PTPN14: variants seen among roughly 807,000 people sequenced by gnomAD.
PTPN14 encodes the protein protein tyrosine phosphatase non-receptor type 14.
Under a neutral mutation model 126.8 loss-of-function variants are expected in PTPN14, and 53 were observed. The observed-to-expected ratio is 0.42, with a 90% CI of 0.34 to 0.53. The LOEUF (loss-of-function observed/expected upper bound fraction) is 0.53, where lower values mean the gene tolerates loss of function less well. Ranked by LOEUF, PTPN14 falls within the 20% of genes least tolerant of loss-of-function variation. The pLI is 0.08. For synonymous variants in PTPN14, 630 were observed against 599.3 expected (o/e 1.05, Z -0.75); for missense variants, 1,257 against 1,552.9 (o/e 0.81, Z 3.20).
chr1:214,458,624 T>A (rs1035663406), intron 2 of PTPN14, among the ~76,000 whole-genome samples: 6 of 107,570 alleles, frequency 5.6e-5, no homozygotes, highest in African/African-American at 1.8e-4. Context: ...TACTTCTATT[T>A]AAGGTTACAT....
chr1:214,492,546 T>C (rs1372697001), intron 1 of PTPN14, among the ~76,000 whole-genome samples: 1 of 152,254 alleles, frequency 6.6e-6, no homozygotes, highest in Non-Finnish European at 1.5e-5. Flanking sequence ...CATTTGATGA[T>C]GACAGAGTGT....
chr1:214,417,636 A>G (rs1203158388), intron 3 of PTPN14, among the ~76,000 whole-genome samples: 2 of 152,176 alleles, frequency 1.3e-5, no homozygotes, highest in Non-Finnish European at 2.9e-5. Context: ...TTTTAAATTC[A>G]TGTATGAGGA....
At position 214,384,832 on chromosome 1, in the gene PTPN14, T is replaced by C; in HGVS notation, c.1067-44A>G. On this transcript the variant is annotated intron_variant, in intron 12 of 18. Transcript: ENST00000366956. This position sits in a 1 kb window ranked among gnomAD's most constrained non-coding sequence, Gnocchi z 5.3. ...AGGCACGTGAACCTCCAAGCCATCC[T>C]GCCACAACAAAGTACATCCTCATAC... The C allele has an allele frequency of 6.4e-7, 1 of 1,574,484 alleles. No homozygotes were observed. The highest frequency in any genetic ancestry group is 8.6e-7 in the Non-Finnish European group (1 of 1,160,794).
intron 15 of PTPN14, 143 bp downstream of exon 15, chr1:214,376,076 A>G: frequency 6.9e-6 from 5 of 719,852 alleles, no homozygotes. Flanking sequence ...GACTAAGAAA[A>G]GCACAGGAGT....
chr1:214,373,109 C>T (rs887279869), intron 15 of PTPN14, among the ~76,000 whole-genome samples: 47 of 152,276 alleles, frequency 3.1e-4, no homozygotes, highest in African/African-American at 1.1e-3. Context: ...GGCGGGAGTA[C>T]AGTGGCACGA....
intron 10 of PTPN14, among the ~76,000 whole-genome samples, chr1:214,391,510 AC>A (rs1286251460): frequency 6.6e-6 from 1 of 152,186 alleles, no homozygotes; most frequent in Non-Finnish European, 1.5e-5. Flanking sequence ...ATATAAAGAT[AC>A]TTTTTATTAA....
intron 11 of PTPN14, among the ~76,000 whole-genome samples, chr1:214,388,882 T>C (rs570927314): frequency 6.6e-6 from 1 of 152,158 alleles, no homozygotes; most frequent in South Asian, 2.1e-4. Context: ...TCACCTATCA[T>C]TTTCTTTGCC....
At chr1:214,509,757 G>A (rs1654925820) in intron 1 of PTPN14, among the ~76,000 whole-genome samples, 1 of 152,168 alleles carries the variant, frequency 6.6e-6, no homozygotes, top group Non-Finnish European at 1.5e-5. Context: ...ATCAATGATA[G>A]ACTGGATTAA....
chr1:214,391,112 G>A (rs1658742569), intron 10 of PTPN14, 67 bp from the exon 11 acceptor site: 1 of 1,199,754 alleles, frequency 8.3e-7, no homozygotes, highest in Non-Finnish European at 1.2e-6. Context: ...GATAGACAAG[G>A]GAAGGAGAGG....
Position 214,401,103 on chromosome 1 carries a change from T to G in PTPN14, c.669+582A>C, listed in dbSNP as rs1027209122. Among the ~76,000 whole-genome samples the G allele has an allele frequency of 2.2e-4, 33 of 152,224 alleles. 1 individual carries two copies. Among genetic ancestry groups the G allele is most frequent in the Middle Eastern group, 6.8e-3 (2 of 294 alleles). On this transcript the variant is annotated intron_variant, in intron 7 of 18. Transcript: ENST00000366956. ...CAGCTCTATAAATGACTATGATCCA[T>G]GACCCCCCCAACCACACCCACTTCA...
chr1:214,461,932 T>C (rs12068677), intron 2 of PTPN14, among the ~76,000 whole-genome samples: 126,161 of 152,214 alleles, frequency 0.83, 52,397 homozygotes, highest in African/African-American at 0.89. Flanking sequence ...GGAGCAGACC[T>C]TGAGTTCACC....
rs755160042 is a variant in PTPN14, at chr1:214,384,225, T to C, written c.1630A>G (p.Asn544Asp). The stretch of plus-strand genomic sequence containing the variant: ...TTATGGCTGCCCTGCAGCTGCATGT[T>C]GGCCAGCTCTGGGGTGCTCACCGTG... ...SHTVSTPELANMQLQGSHNYS... is the reference protein window; with the variant it reads ...SHTVSTPELADMQLQGSHNYS... Residue 544 changes from asparagine to aspartate, a missense_variant, in exon 13 of 19, where the codon AAC (asparagine) becomes GAC (aspartate). Physicochemically the swap from Asn to Asp is conservative, Grantham distance 23. This residue lies in a region of PTPN14 where 1,021 missense variants were observed against 1,183.3 expected (regional missense o/e 0.86). Transcript: ENST00000366956. The surrounding 1 kb of genome is among the most constrained non-coding windows in gnomAD (Gnocchi z 5.3). 9 of 1,613,556 alleles carry C rather than the reference T, an allele frequency of 5.6e-6. No homozygotes were observed. The highest frequency in any genetic ancestry group is 5.1e-6 in the Non-Finnish European group (6 of 1,179,924).
intron 1 of PTPN14, among the ~76,000 whole-genome samples, chr1:214,541,489 G>C (rs1335468203): frequency 6.6e-6 from 1 of 152,148 alleles, no homozygotes; most frequent in Non-Finnish European, 1.5e-5. Flanking sequence ...TGAGAGTTGA[G>C]GGGTTAGTTT....
intron 12 of PTPN14, among the ~76,000 whole-genome samples, chr1:214,386,445 A>C (rs1469317960): frequency 6.6e-6 from 1 of 152,184 alleles, no homozygotes; most frequent in African/African-American, 2.4e-5. Flanking sequence ...GACTTTGTTT[A>C]TTTCTTCCAA....
At chr1:214,419,952 T>TC (rs1485050893) in intron 3 of PTPN14, among the ~76,000 whole-genome samples, 1 of 152,182 alleles carries the variant, frequency 6.6e-6, no homozygotes, top group Non-Finnish European at 1.5e-5. Context: ...CCTCCATCCC[T>TC]CTATCCTCAA....
chr1:214,518,289 C>T (rs1655158288), intron 1 of PTPN14, among the ~76,000 whole-genome samples: 1 of 152,208 alleles, frequency 6.6e-6, no homozygotes, highest in African/African-American at 2.4e-5. Context: ...CAAACCACTA[C>T]TCTCTATTCG....
At chr1:214,440,581 A>C (rs1660017548) in intron 3 of PTPN14, among the ~76,000 whole-genome samples, 1 of 152,222 alleles carries the variant, frequency 6.6e-6, no homozygotes, top group African/African-American at 2.4e-5. Flanking sequence ...GCACTTAGGG[A>C]AGTTATACTC....
intron 3 of PTPN14, among the ~76,000 whole-genome samples, chr1:214,423,849 C>T (rs1400091264): frequency 6.6e-6 from 1 of 152,046 alleles, no homozygotes; most frequent in African/African-American, 2.4e-5. Flanking sequence ...GGCATGGTGG[C>T]TCACGCCTGT....
chr1:214,499,395 A>G (rs1414850176), intron 1 of PTPN14, among the ~76,000 whole-genome samples: 2 of 146,574 alleles, frequency 1.4e-5, no homozygotes, highest in Admixed American at 1.4e-4. Flanking sequence ...ATATATATAT[A>G]TGCTGGTATA....
Sources: gnomAD v4.1 joint callset for allele counts (sites outside exome capture counted in the v4.1 genomes callset) on GRCh38, gnomAD v4.1.1 for gene constraint, gnomAD v4.1.1 regional missense constraint, Gnocchi (gnomAD v3.1) non-coding constraint, MANE v1.5 for transcripts, NCBI Gene and HGNC (gene_info 2026-07-23, HGNC 2026-07-21) for gene names.